The following KAZN variants were observed in gnomAD, a reference collection of about 807,000 sequenced individuals.
The protein encoded by KAZN is kazrin.
A neutral mutation model predicts 87.4 loss-of-function variants in KAZN; 40 were observed. The ratio of observed to expected loss-of-function variants is 0.46; its 90% confidence interval spans 0.36 to 0.60. KAZN has a LOEUF of 0.60. KAZN is among the 20% of genes least tolerant of loss of function. The pLI, the probability that KAZN is intolerant of heterozygous loss-of-function variation, is 0.00. For missense variants in KAZN, 898 were observed against 1,073.9 expected (o/e 0.84, Z 2.29); for synonymous variants, 466 against 458.3 (o/e 1.02, Z -0.22).
At chr1:15,088,902 G>T (rs544587975) in intron 8 of KAZN, among the ~76,000 whole-genome samples, 25 of 152,048 alleles carry the variant, frequency 1.6e-4, no homozygotes, top group African/African-American at 5.8e-4. Flanking sequence ...CATAAATAAT[G>T]CGAGCTGTAA....
At chr1:14,229,001 A>G (rs1472588669) in intron 2 of KAZN, among the ~76,000 whole-genome samples, 1 of 152,206 alleles carries the variant, frequency 6.6e-6, no homozygotes, top group African/African-American at 2.4e-5. Context: ...GAGAGCTTTG[A>G]AGATCTGTGA....
chr1:14,135,169 G>T (rs968112683), intron 1 of KAZN, among the ~76,000 whole-genome samples: 2 of 152,202 alleles, frequency 1.3e-5, no homozygotes, highest in African/African-American at 2.4e-5. Context: ...TTGCTGGACT[G>T]CAGTGGCAGC....
intron 1 of KAZN, among the ~76,000 whole-genome samples, chr1:14,865,830 G>A (rs962091025): frequency 3.9e-5 from 6 of 152,180 alleles, no homozygotes; most frequent in East Asian, 1.9e-4. Context: ...AGAAGGCCAC[G>A]TGGATACACA....
intron 1 of KAZN, among the ~76,000 whole-genome samples, chr1:14,032,825 G>A (rs1329250757): frequency 1.3e-5 from 2 of 152,142 alleles, no homozygotes; most frequent in African/African-American, 4.8e-5. Flanking sequence ...GCATTACTAA[G>A]CATACACTAA....
rs1279553105 is a variant in KAZN at position 14,599,355 on chromosome 1, C to T, written c.226+132C>T. ...GCATTCTGGCTTGTAACCCTTTCCGCCCGGCGGTGGCCACCGCTGCTCTCC... is the reference window on the plus strand; with the variant it reads ...GCATTCTGGCTTGTAACCCTTTCCGTCCGGCGGTGGCCACCGCTGCTCTCC... On this transcript the variant is annotated intron_variant, in intron 1 of 14. Transcript: ENST00000376030. The surrounding 1 kb of genome is among the most constrained non-coding windows in gnomAD (Gnocchi z 4.4). 5.0e-6 allele frequency: 5 copies of T among 990,432 alleles called. No homozygotes were observed. Among genetic ancestry groups the T allele is most frequent in the South Asian group, 4.7e-5 (1 of 21,290 alleles). The allele number at this position is 990,432 out of a possible 1,614,324, so 61.4% of individuals were successfully genotyped here. A position where few individuals can be genotyped will look rare whatever the true frequency, so the allele number is the denominator to read the frequency against.
Position 15,114,548 on chromosome 1 carries a change from C to T in KAZN, c.2241C>T (p.Asn747=), listed in dbSNP as rs375046109. 1.5e-5 allele frequency: 24 copies of T among 1,609,998 alleles called. No homozygotes were observed. In the African/African-American group the frequency reaches 1.7e-4, roughly 12 times the overall value. Residue 747 remains asparagine (N), a synonymous_variant, in exon 15 of 15, where the codon AAC becomes AAT. Coordinates refer to ENST00000376030, the MANE Select transcript of KAZN (RefSeq NM_201628.3). ...DFHDDYGSLQ[N]EDCGDDDPQS... is the part of the protein sequence containing the mutation. The stretch of plus-strand genomic sequence containing the variant: ...ATGATGACTATGGCTCTCTTCAAAA[C>T]GAAGATTGCGGAGACGATGACCCCC...
chr1:14,622,204 G>T (rs559228550), intron 1 of KAZN, among the ~76,000 whole-genome samples: 1 of 152,140 alleles, frequency 6.6e-6, no homozygotes, highest in Non-Finnish European at 1.5e-5. Flanking sequence ...AATGTTGACC[G>T]ATCCAAAGTC....
chr1:15,024,770 G>A (rs1198857135), intron 2 of KAZN, among the ~76,000 whole-genome samples: 1 of 152,210 alleles, frequency 6.6e-6, no homozygotes, highest in African/African-American at 2.4e-5. Flanking sequence ...GAGCACTCTG[G>A]ATTAGCAGAA....
intron 2 of KAZN, among the ~76,000 whole-genome samples, chr1:14,369,305 C>G (rs973667590): frequency 6.6e-6 from 1 of 152,318 alleles, no homozygotes; most frequent in African/African-American, 2.4e-5. Flanking sequence ...TTTCCTCGCT[C>G]AATGCCAGGT....
At chr1:14,524,610 C>A (rs1671769300) in intron 2 of KAZN, among the ~76,000 whole-genome samples, 1 of 152,132 alleles carries the variant, frequency 6.6e-6, no homozygotes, top group Non-Finnish European at 1.5e-5. Flanking sequence ...TATCTAATGG[C>A]CAACCTGGAT....
intron 1 of KAZN, among the ~76,000 whole-genome samples, chr1:13,964,175 G>A (rs1641859160): frequency 6.6e-6 from 1 of 152,140 alleles, no homozygotes; most frequent in South Asian, 2.1e-4. Flanking sequence ...GTGCATCAGT[G>A]AATAAAACAT....
intron 1 of KAZN, among the ~76,000 whole-genome samples, chr1:14,891,065 CG>C (rs1194895205): frequency 6.7e-6 from 1 of 149,378 alleles, no homozygotes; most frequent in Non-Finnish European, 1.5e-5. Flanking sequence ...AGGATGGTCT[CG>C]ATCTCCTGAC....
chr1:14,335,888 G>T (rs1001583038), intron 2 of KAZN, among the ~76,000 whole-genome samples: 3 of 152,146 alleles, frequency 2.0e-5, no homozygotes, highest in Non-Finnish European at 2.9e-5. Flanking sequence ...ACAATGGAAA[G>T]AATACCAGAG....
chr1:14,039,756 C>T (rs1454876513), intron 1 of KAZN, among the ~76,000 whole-genome samples: 1 of 152,188 alleles, frequency 6.6e-6, no homozygotes, highest in African/African-American at 2.4e-5. Flanking sequence ...AAAACCCTGA[C>T]ATTCATGCAC....
In KAZN at chr1:14,477,298, A is replaced by G. The variant is rs1428940307; in HGVS notation, c.250-121685A>G. 2.6e-5 allele frequency among the ~76,000 whole-genome samples: 4 copies of G among 152,094 alleles called. No homozygotes were observed. In the East Asian group the frequency reaches 5.8e-4, roughly 22 times the overall value. ...GACTTGCTCCTCCTTGCCTTCCGCC[A>G]TGATTGTGAAGCCTCCCCAGCCATG... On this transcript the variant is annotated intron_variant, in intron 2 of 16. Transcript: ENST00000636203.
In KAZN at chr1:15,101,678, A is replaced by G; in HGVS notation, c.1683A>G (p.Arg561=). 1 of 1,593,132 alleles carries G rather than the reference A, an allele frequency of 6.3e-7. No homozygotes were observed. Among genetic ancestry groups the G allele is most frequent in the Admixed American group, 1.7e-5 (1 of 57,396 alleles). Residue 561 remains arginine (R), a synonymous_variant, in exon 11 of 15, where the codon CGA becomes CGG. Coordinates refer to ENST00000376030, the MANE Select transcript of KAZN (RefSeq NM_201628.3). ...GGATGCTGAATTCCCTGATGAAGCG[A>G]GACCTGGAGAAGCACCTGAACGTGT... ...DGRMLNSLMK[R]DLEKHLNVSK...
chr1:14,248,017 C>T (rs943270951), intron 2 of KAZN, among the ~76,000 whole-genome samples: 4 of 152,126 alleles, frequency 2.6e-5, no homozygotes. Flanking sequence ...AGGTGTAAAA[C>T]GCCACTCTCA....
chr1:14,576,230 A>G (rs1042028628), intron 2 of KAZN, among the ~76,000 whole-genome samples: 4 of 152,230 alleles, frequency 2.6e-5, no homozygotes. Flanking sequence ...AAAAGAGGTT[A>G]TCAGTGGCAA....
At chr1:14,398,195 T>C (rs1276204492) in intron 2 of KAZN, among the ~76,000 whole-genome samples, 1 of 152,248 alleles carries the variant, frequency 6.6e-6, no homozygotes, top group Non-Finnish European at 1.5e-5. Flanking sequence ...TAGTTGGTTA[T>C]GCAACAATAG....
Sources: allele counts gnomAD v4.1 joint callset (sites outside exome capture counted in the v4.1 genomes callset), GRCh38; gene constraint gnomAD v4.1.1; non-coding constraint Gnocchi (gnomAD v3.1); transcripts MANE v1.5; gene names NCBI Gene and HGNC (gene_info 2026-07-23, HGNC 2026-07-21).